GLUD1: variants seen among roughly 807,000 people sequenced by gnomAD.
GLUD1 encodes the protein glutamate dehydrogenase 1.
A neutral mutation model predicts 56.0 loss-of-function variants in GLUD1; 22 were observed. The ratio of observed to expected loss-of-function variants is 0.39; its 90% CI spans 0.28 to 0.56. The LOEUF (loss-of-function observed/expected upper bound fraction) is 0.56. Among genes scored for constraint, GLUD1 ranks in the 20% least tolerant of loss-of-function variants. The probability of loss-of-function intolerance (pLI) is 0.58; values close to 1 mark genes in which losing one functional copy is unlikely to be tolerated. For missense variants in GLUD1, 451 were observed against 732.0 expected (o/e 0.62, Z 4.43); for synonymous variants, 223 against 269.9 (o/e 0.83, Z 1.70).
At chr10:87,056,138 A>C (rs1314351754) in intron 11 of GLUD1, among the ~76,000 whole-genome samples, 6 of 149,954 alleles carry the variant, frequency 4.0e-5, no homozygotes, top group African/African-American at 1.2e-4. Flanking sequence ...AAAAAAAAAA[A>C]AACCAAAAAA....
intron 1 of GLUD1, chr10:87,089,646 T>C: frequency 1.0e-6 from 1 of 985,088 alleles, no homozygotes; most frequent in Non-Finnish European, 1.2e-6. Flanking sequence ...TTTGTAAAGA[T>C]AATCGGAAGG....
intron 1 of GLUD1, among the ~76,000 whole-genome samples, chr10:87,093,407 A>G (rs1449845788): frequency 1.3e-5 from 2 of 150,512 alleles, no homozygotes; most frequent in East Asian, 1.9e-4. Flanking sequence ...TATTGGGGGG[A>G]AAAAAGCTCT....
intron 4 of GLUD1, among the ~76,000 whole-genome samples, chr10:87,073,423 G>C (rs965884719): frequency 6.6e-6 from 1 of 151,946 alleles, no homozygotes; most frequent in Non-Finnish European, 1.5e-5. Flanking sequence ...AAAAATGCTG[G>C]GATTACAAGC....
intron 1 of GLUD1, among the ~76,000 whole-genome samples, chr10:87,087,154 A>T (rs1056647941): frequency 6.6e-6 from 1 of 152,334 alleles, no homozygotes; most frequent in South Asian, 2.1e-4. Context: ...AAAGGCTCAC[A>T]GGACTCAGGG....
intron 1 of GLUD1, among the ~76,000 whole-genome samples, chr10:87,091,309 C>T (rs1841505621): frequency 6.6e-6 from 1 of 152,122 alleles, no homozygotes; most frequent in East Asian, 1.9e-4. Flanking sequence ...TATTATCAAT[C>T]TGTACTTTCC....
At position 87,056,115 on chromosome 10, in the gene GLUD1, CAAAAAAAAAAA is replaced by C. The variant is rs201114912; in HGVS notation, c.1494+1565_1494+1575del. Among the ~76,000 whole-genome samples the C allele has an allele frequency of 6.1e-3, 380 of 62,782 alleles. 1 individual carries two copies. The highest frequency in any genetic ancestry group is 8.8e-3 in the Non-Finnish European group (311 of 35,460). The allele number at this position is 62,782 out of a possible 152,430, so 41.2% of individuals were successfully genotyped here. On this transcript the variant is annotated intron_variant, in intron 11 of 12. Transcript: ENST00000277865. ...TGGGTGACAGATCGAGACTCTGTCT[CAAAAAAAAAAA>C]AAAAAAAAAAAAAACCAAAAAAAAA...
chr10:87,067,435 A>C (rs1159513881), intron 5 of GLUD1, among the ~76,000 whole-genome samples: 1 of 152,218 alleles, frequency 6.6e-6, no homozygotes, highest in Non-Finnish European at 1.5e-5. Context: ...CATGTTGTCC[A>C]GGCTGGTCTC....
At position 87,074,536 on chromosome 10, in the gene GLUD1, T is replaced by C. The variant is rs754421683; in HGVS notation, c.646+15A>G. The C allele has an allele frequency of 2.7e-6, 4 of 1,490,326 alleles. No homozygotes were observed. The highest frequency in any genetic ancestry group is 1.7e-5 in the Admixed American group (1 of 59,644). 92.3% of individuals were successfully genotyped at this position (1,490,326 alleles called of 1,614,324 possible). A position where few individuals can be genotyped will look rare whatever the true frequency, so the allele number is the denominator to read the frequency against. On this transcript the variant is annotated intron_variant, in intron 4 of 12. Coordinates refer to ENST00000277865, the MANE Select transcript of GLUD1 (RefSeq NM_005271.5). The stretch of plus-strand genomic sequence containing the variant: ...TGTTCCCACTTTATACCAAAAACTA[T>C]GTGGCTACACATACCAATAAAGCCC...
At chr10:87,084,272 A>T (rs1841331856) in intron 1 of GLUD1, among the ~76,000 whole-genome samples, 1 of 152,274 alleles carries the variant, frequency 6.6e-6, no homozygotes, top group Non-Finnish European at 1.5e-5. Context: ...TGGTATCCAG[A>T]TGTTTCCAAA....
chr10:87,076,852 G>A (rs908174586), intron 1 of GLUD1, among the ~76,000 whole-genome samples, 196 bp from the exon 2 acceptor site: 4 of 152,034 alleles, frequency 2.6e-5, no homozygotes, highest in Admixed American at 1.3e-4. Context: ...AATATAAAAC[G>A]TTAAAAAAAC....
chr10:87,088,176 GT>G (rs201899869), intron 1 of GLUD1, among the ~76,000 whole-genome samples: 19 of 143,294 alleles, frequency 1.3e-4, no homozygotes, highest in Admixed American at 2.8e-4. Context: ...ACTTTGTTTT[GT>G]TTTTTTTTTT....
intron 10 of GLUD1, 139 bp from the exon 11 acceptor site, chr10:87,057,921 T>C: frequency 3.1e-6 from 2 of 639,780 alleles, no homozygotes; most frequent in South Asian, 1.7e-5. Context: ...CAGGCTGGAG[T>C]GTAGAGGCGT....
intron 6 of GLUD1, 137 bp downstream of exon 6, chr10:87,062,519 A>T (rs1845963129): frequency 4.1e-6 from 3 of 738,008 alleles, no homozygotes; most frequent in South Asian, 1.7e-5. Context: ...CAAAATATCT[A>T]TTACTCTGAA....
At position 87,093,968 on chromosome 10, in the gene GLUD1, G is replaced by A. The variant is rs1226603148; in HGVS notation, c.445+357C>T. 21 of 1,400,542 alleles carry A rather than the reference G, an allele frequency of 1.5e-5. 1 individual carries two copies. In the East Asian group the frequency reaches 6.4e-4, roughly 43 times the overall value. The allele number at this position is 1,400,542 out of a possible 1,614,324, so 86.8% of individuals were successfully genotyped here. On this transcript the variant is annotated intron_variant, in intron 1 of 12. Transcript: ENST00000277865. Reference sequence around the variant, plus strand: ...GAACACTGACGAGGCATTATCACACGGGCAGGTCATTCCCTTTCCTAGAAG... The same window carrying A: ...GAACACTGACGAGGCATTATCACACAGGCAGGTCATTCCCTTTCCTAGAAG...
chr10:87,083,790 T>G (rs1405681193), intron 1 of GLUD1, among the ~76,000 whole-genome samples: 1 of 151,038 alleles, frequency 6.6e-6, no homozygotes, highest in Non-Finnish European at 1.5e-5. Flanking sequence ...AAGACCAGCC[T>G]GGACAACATA....
Position 87,057,180 on chromosome 10 carries a change from G to A in GLUD1, c.1494+511C>T, listed in dbSNP as rs139580356. Among the ~76,000 whole-genome samples the A allele has an allele frequency of 7.9e-3, 1,204 of 152,228 alleles. 19 individuals carry two copies. The highest frequency in any genetic ancestry group is 0.028 in the African/African-American group (1,159 of 41,552). ...TAATTTTTGTATTTTTAGTAGAGAC[G>A]GGGTCACCATGTTGGCCAGGATGGT... On this transcript the variant is annotated intron_variant, in intron 11 of 12. Transcript: ENST00000277865.
intron 5 of GLUD1, among the ~76,000 whole-genome samples, chr10:87,063,220 C>T (rs1468813947): frequency 3.3e-5 from 5 of 152,096 alleles, no homozygotes; most frequent in African/African-American, 9.6e-5. Context: ...ATTCCAGGCA[C>T]GTGCCACCAC....
At position 87,094,075 on chromosome 10, in the gene GLUD1, G is replaced by T. The variant is rs1026130497; in HGVS notation, c.445+250C>A. On this transcript the variant is annotated intron_variant, in intron 1 of 12. Coordinates refer to ENST00000277865, the MANE Select transcript of GLUD1 (RefSeq NM_005271.5). This position sits in a 1 kb window ranked among gnomAD's most constrained non-coding sequence, Gnocchi z 6.6. ...GGTGCAGCGTCTACTCTGCATGCAAGATCAGCATATACAGAGGCCCGGGGT... is the reference window on the plus strand; with the variant it reads ...GGTGCAGCGTCTACTCTGCATGCAATATCAGCATATACAGAGGCCCGGGGT... 6 of 1,518,536 alleles carry T rather than the reference G, an allele frequency of 4.0e-6. 1 individual carries two copies. Among genetic ancestry groups the T allele is most frequent in the Non-Finnish European group, 5.3e-6 (6 of 1,136,344 alleles). The allele number at this position is 1,518,536 out of a possible 1,614,324, so 94.1% of individuals were successfully genotyped here.
chr10:87,093,941 A>G, intron 1 of GLUD1: 2 of 1,364,276 alleles, frequency 1.5e-6, no homozygotes, highest in South Asian at 1.2e-5. Context: ...ACAAAAGCCC[A>G]AGAACACTGA....
Sources: gnomAD v4.1 joint callset for allele counts (sites outside exome capture counted in the v4.1 genomes callset) on GRCh38, gnomAD v4.1.1 for gene constraint, Gnocchi (gnomAD v3.1) non-coding constraint, MANE v1.5 for transcripts, NCBI Gene and HGNC (gene_info 2026-07-23, HGNC 2026-07-21) for gene names.